Variants in PSMA1 observed in about 807,000 individuals in gnomAD.
The protein encoded by PSMA1 is proteasome subunit alpha type-1.
In PSMA1, 3 loss-of-function variants were observed where a neutral mutation model predicts 38.4. The ratio of observed to expected loss-of-function variants is 0.08; its 90% CI spans 0.04 to 0.20. PSMA1 has a LOEUF of 0.20. PSMA1 is among the 10% of genes least tolerant of loss of function. The pLI, the probability that PSMA1 is intolerant of heterozygous loss-of-function variation, is 1.00. For missense variants in PSMA1, 227 were observed against 325.3 expected (o/e 0.70, Z 2.32); for synonymous variants, 101 against 107.1 (o/e 0.94, Z 0.35).
Position 14,561,320 on chromosome 11 carries a change from AC to A in PSMA1, c.22-42280del, listed in dbSNP as rs368417285. Reference sequence around the variant, plus strand: ...TTGATCATTGCTGCTTTATAACATTACCTGAGACTGTCCAGTCCACTATCTA... The same window carrying A: ...TTGATCATTGCTGCTTTATAACATTACTGAGACTGTCCAGTCCACTATCTA... On this transcript the variant is annotated intron_variant, in intron 2 of 10. Coordinates refer to the PSMA1 transcript ENST00000418988. Among the ~76,000 whole-genome samples, 11 of 152,242 alleles carry A rather than the reference AC, an allele frequency of 7.2e-5. No individual in the cohort carries two copies. In the East Asian group the frequency reaches 1.7e-3, roughly 24 times the overall value.
At chr11:14,559,549 G>C (rs1178931601) in intron 2 of PSMA1, among the ~76,000 whole-genome samples, 1 of 152,174 alleles carries the variant, frequency 6.6e-6, no homozygotes, top group Admixed American at 6.5e-5. Context: ...CAACCAGAGA[G>C]CAGAAGGGGA....
intron 2 of PSMA1, among the ~76,000 whole-genome samples, chr11:14,599,104 T>G (rs1852544191): frequency 6.6e-6 from 1 of 152,216 alleles, no homozygotes; most frequent in South Asian, 2.1e-4. Context: ...TGCTGAGAGA[T>G]CCGCTGTTAG....
intron 2 of PSMA1, among the ~76,000 whole-genome samples, chr11:14,535,818 T>C (rs1851700592): frequency 1.3e-5 from 2 of 152,166 alleles, no homozygotes; most frequent in South Asian, 4.1e-4. Context: ...TAACTAATAA[T>C]GGTCTTTAAA....
At chr11:14,569,593 A>C (rs1280447919) in intron 2 of PSMA1, among the ~76,000 whole-genome samples, 1 of 152,200 alleles carries the variant, frequency 6.6e-6, no homozygotes, top group East Asian at 1.9e-4. Flanking sequence ...TCCCACACCC[A>C]CGGAGCCTCA....
At chr11:14,617,689 A>ATATATATACATATATATACG (rs1380674552) in intron 1 of PSMA1, among the ~76,000 whole-genome samples, 1 of 145,762 alleles carries the variant, frequency 6.9e-6, no homozygotes, top group African/African-American at 2.6e-5. Context: ...ATATACGTAT[A>ATATATATACATATATATACG]TATATATATG....
chr11:14,508,559 C>CA (rs1427398538), intron 8 of PSMA1, among the ~76,000 whole-genome samples: 2 of 210 alleles, frequency 9.5e-3, no homozygotes, highest in African/African-American at 0.016. Context: ...ACCACTCCAT[C>CA]TCAAAAAAAA....
At chr11:14,575,173 A>G (rs1022400866) in intron 2 of PSMA1, among the ~76,000 whole-genome samples, 1 of 152,180 alleles carries the variant, frequency 6.6e-6, no homozygotes, top group African/African-American at 2.4e-5. Flanking sequence ...CCCCTGCCCT[A>G]GAGATCTGTG....
chr11:14,602,126 A>G (rs1435136757), intron 2 of PSMA1, among the ~76,000 whole-genome samples: 1 of 152,156 alleles, frequency 6.6e-6, no homozygotes, highest in Non-Finnish European at 1.5e-5. Flanking sequence ...TGGCACATCT[A>G]TTTTTTAGAT....
At chr11:14,590,263 G>A (rs575288420) in intron 2 of PSMA1, among the ~76,000 whole-genome samples, 1 of 152,206 alleles carries the variant, frequency 6.6e-6, no homozygotes, top group Non-Finnish European at 1.5e-5. Context: ...GTGATGGATG[G>A]TGGTGATGGC....
upstream of PSMA1, chr11:14,520,537 G>A (rs1175636119): frequency 2.2e-6 from 3 of 1,375,012 alleles, no homozygotes; most frequent in South Asian, 1.5e-5. Flanking sequence ...AGACTGGCGG[G>A]AAAACCTGGC....
At chr11:14,552,989 C>T (rs1156606489) in intron 2 of PSMA1, among the ~76,000 whole-genome samples, 3 of 151,872 alleles carry the variant, frequency 2.0e-5, no homozygotes, top group African/African-American at 7.3e-5. Context: ...CGACACCCAG[C>T]TAACTTTTTA....
At chr11:14,563,627 T>C (rs1852035413) in intron 2 of PSMA1, among the ~76,000 whole-genome samples, 1 of 152,224 alleles carries the variant, frequency 6.6e-6, no homozygotes, top group South Asian at 2.1e-4. Flanking sequence ...CTTTAAAATA[T>C]CATGTTTCTT....
intron 1 of PSMA1, among the ~76,000 whole-genome samples, chr11:14,638,451 C>T (rs1285625041): frequency 1.4e-5 from 2 of 146,746 alleles, no homozygotes; most frequent in African/African-American, 5.1e-5. Flanking sequence ...TCCTTTTGAG[C>T]TCCTCTTGCA....
intron 1 of PSMA1, among the ~76,000 whole-genome samples, chr11:14,633,699 A>T (rs527916826): frequency 1.4e-3 from 220 of 152,168 alleles, no homozygotes; most frequent in African/African-American, 4.9e-3. Flanking sequence ...TTGTTTACCT[A>T]ATCAAGCCTG....
At chr11:14,525,435 G>A (rs906025346) in intron 2 of PSMA1, among the ~76,000 whole-genome samples, 12 of 151,872 alleles carry the variant, frequency 7.9e-5, no homozygotes, top group East Asian at 5.8e-4. Flanking sequence ...CCCTTACCCC[G>A]CTCAACGCCA....
At chr11:14,585,065 C>A (rs575544669) in intron 2 of PSMA1, among the ~76,000 whole-genome samples, 2 of 152,264 alleles carry the variant, frequency 1.3e-5, no homozygotes, top group Admixed American at 1.3e-4. Context: ...TATAGAAATC[C>A]ATTTTCTGGG....
intron 2 of PSMA1, among the ~76,000 whole-genome samples, chr11:14,580,131 C>T (rs748506295): frequency 1.3e-5 from 2 of 152,184 alleles, no homozygotes; most frequent in South Asian, 2.1e-4. Context: ...ATGTCACTCT[C>T]GCTTGAGATC....
chr11:14,523,085 A>G (rs1851546837), upstream of PSMA1, among the ~76,000 whole-genome samples: 1 of 152,094 alleles, frequency 6.6e-6, no homozygotes, highest in African/African-American at 2.4e-5. Flanking sequence ...ATTCACAGCA[A>G]TTGTCTGTAC....
rs184871210 is a variant in PSMA1 at position 14,541,021 on chromosome 11, T to C, written c.22-21980A>G. On this transcript the variant is annotated intron_variant, in intron 2 of 10. Coordinates refer to the PSMA1 transcript ENST00000418988. Reference sequence around the variant, plus strand: ...AGTTAATGGGTGCAGTACACCAACATAGCACATGTATACATATGTAACAAA... The same window carrying C: ...AGTTAATGGGTGCAGTACACCAACACAGCACATGTATACATATGTAACAAA... 6.3e-3 allele frequency among the ~76,000 whole-genome samples: 959 copies of C among 152,218 alleles called. 9 individuals are homozygous for C. Among genetic ancestry groups the C allele is most frequent in the South Asian group, 0.03 (144 of 4,824 alleles).
Sources: allele counts gnomAD v4.1 joint callset (sites outside exome capture counted in the v4.1 genomes callset), GRCh38; gene constraint gnomAD v4.1.1; transcripts MANE v1.5; gene names NCBI Gene and HGNC (gene_info 2026-07-23, HGNC 2026-07-21).